MYH15: variants seen among roughly 807,000 people sequenced by gnomAD.
The protein encoded by MYH15 is myosin heavy chain 15, also known as myosin-15.
In MYH15, 227 loss-of-function variants were observed where a neutral mutation model predicts 240.5. That is an observed-to-expected ratio of 0.94 (90% CI 0.85 to 1.05). MYH15 has a LOEUF of 1.05. Among genes scored for constraint, MYH15 ranks in the 50% least tolerant of loss-of-function variants. The pLI is 0.00. For synonymous variants in MYH15, 785 were observed against 796.7 expected (o/e 0.99, Z 0.25); for missense variants, 2,217 against 2,247.5 (o/e 0.99, Z 0.27).
rs187534538 is a variant in MYH15, at chr3:108,468,158, G to C, written c.1554+1884C>G. ...TTTTTGTATTTTGAGTAGAGACAGG[G>C]TTTCACCATGTTAGCCAGGCTGGTG... On this transcript the variant is annotated intron_variant, in intron 14 of 40. Coordinates refer to ENST00000693548, the MANE Select transcript of MYH15 (RefSeq NM_014981.3). Among the ~76,000 whole-genome samples the C allele has an allele frequency of 2.4e-3, 368 of 152,104 alleles. 2 individuals are homozygous for C. Among genetic ancestry groups the C allele is most frequent in the Middle Eastern group, 3.4e-3 (1 of 294 alleles).
intron 28 of MYH15, among the ~76,000 whole-genome samples, chr3:108,418,713 C>T (rs928736684): frequency 6.6e-5 from 10 of 151,200 alleles, no homozygotes; most frequent in African/African-American, 2.0e-4. Context: ...CTCACTGCAA[C>T]CTCCACCTCC....
At chr3:108,533,687 G>A (rs1010440191), upstream of MYH15, among the ~76,000 whole-genome samples, 1 of 152,164 alleles carries the variant, frequency 6.6e-6, no homozygotes, top group Non-Finnish European at 1.5e-5. Flanking sequence ...CTTAATCATG[G>A]AGGAATTGGG....
chr3:108,430,777 G>T, intron 26 of MYH15, 55 bp downstream of exon 26: 1 of 1,353,848 alleles, frequency 7.4e-7, no homozygotes. Context: ...TGAACCACCA[G>T]TCATCACCCA....
At chr3:108,387,296 A>G (rs1177347921) in intron 38 of MYH15, among the ~76,000 whole-genome samples, 1 of 152,228 alleles carries the variant, frequency 6.6e-6, no homozygotes, top group Admixed American at 6.5e-5. Context: ...AAAACCAAGT[A>G]CCAGGAAATG....
At chr3:108,399,853 T>C (rs6799532) in intron 33 of MYH15, among the ~76,000 whole-genome samples, 38,958 of 152,148 alleles carry the variant, frequency 0.26, 5,338 homozygotes, top group Non-Finnish European at 0.31. Flanking sequence ...TTGTGTGATA[T>C]TGAATTACTT....
At chr3:108,550,472 T>G in the MYH15 span, 1 of 151,454 alleles carries the variant, frequency 6.6e-6, no homozygotes, top group Non-Finnish European at 1.5e-5. Flanking sequence ...CAAATAATTC[T>G]ACAAGTTCTT....
intron 39 of MYH15, 110 bp from the exon 40 acceptor site, chr3:108,383,839 T>G: frequency 1.1e-6 from 1 of 877,052 alleles, no homozygotes; most frequent in Non-Finnish European, 1.6e-6. Context: ...AATCTAAACT[T>G]CTGAGTATTG....
chr3:108,482,393 G>A (rs1455234119), intron 11 of MYH15, among the ~76,000 whole-genome samples: 2 of 152,170 alleles, frequency 1.3e-5, no homozygotes, highest in Non-Finnish European at 2.9e-5. Context: ...GGAAGCTCCA[G>A]CAAAGAACCT....
intron 27 of MYH15, among the ~76,000 whole-genome samples, chr3:108,426,960 C>A (rs2082729357): frequency 6.6e-6 from 1 of 152,194 alleles, no homozygotes; most frequent in African/African-American, 2.4e-5. Context: ...TTCCCTTTGT[C>A]ACCTCTTTTT....
chr3:108,500,129 T>C lies in MYH15; in HGVS notation c.485A>G (p.Asp162Gly), dbSNP rs904975916. 4 of 1,613,408 alleles carry C rather than the reference T, an allele frequency of 2.5e-6. No homozygotes were observed. The highest frequency in any genetic ancestry group is 3.4e-6 in the Non-Finnish European group (4 of 1,179,794). Residue 162 changes from aspartate to glycine, a missense_variant, in exon 4 of 41, where the codon GAC (aspartate) becomes GGC (glycine). Transcript: ENST00000693548. ...IFAVANNAFQDMLHNRENQSI... is the reference protein window; with the variant it reads ...IFAVANNAFQGMLHNRENQSI... ...GGGCAGCTACTCACTGTGAAGCATG[T>C]CCTGAAAGGCGTTATTGGCAACAGC...
At position 108,405,319 on chromosome 3, in the gene MYH15, T is replaced by A; in HGVS notation, c.4736+19A>T. ...TTCAGAAATACATAATTGTTACACA[T>A]CAAAATCATCTTAAATACCTAAAAT... On this transcript the variant is annotated intron_variant, in intron 33 of 40. Coordinates refer to ENST00000693548, the MANE Select transcript of MYH15 (RefSeq NM_014981.3). The A allele has an allele frequency of 1.4e-6, 2 of 1,401,956 alleles. No individual in the cohort carries two copies. Among genetic ancestry groups the A allele is most frequent in the Non-Finnish European group, 1.9e-6 (2 of 1,028,762 alleles). The allele number at this position is 1,401,956 out of a possible 1,614,324, so 86.8% of individuals were successfully genotyped here. A position where few individuals can be genotyped will look rare whatever the true frequency, so the allele number is the denominator to read the frequency against.
chr3:108,499,514 T>C, intron 4 of MYH15, 32 bp from the exon 5 acceptor site: 2 of 1,590,446 alleles, frequency 1.3e-6, no homozygotes, highest in Non-Finnish European at 8.6e-7. Context: ...CAGAATATTC[T>C]TATATTCGAT....
At chr3:108,537,130 T>C in the MYH15 span, among the ~76,000 whole-genome samples, 1 of 152,288 alleles carries the variant, frequency 6.6e-6, no homozygotes, top group Admixed American at 6.5e-5. Flanking sequence ...TAAAGCTAAA[T>C]CTATATTTTG....
At chr3:108,480,101 T>A (rs1404211632) in intron 11 of MYH15, among the ~76,000 whole-genome samples, 1 of 152,198 alleles carries the variant, frequency 6.6e-6, no homozygotes, top group African/African-American at 2.4e-5. Flanking sequence ...AAAAATAGTA[T>A]GTCAGTAAAA....
At chr3:108,422,055 T>C (rs2082687994) in intron 27 of MYH15, among the ~76,000 whole-genome samples, 1 of 152,212 alleles carries the variant, frequency 6.6e-6, no homozygotes, top group Non-Finnish European at 1.5e-5. Flanking sequence ...AGTTGCCAAA[T>C]GTAAGATGAG....
chr3:108,519,999 GAAT>G (rs1314450806), intron 1 of MYH15, among the ~76,000 whole-genome samples: 2 of 152,026 alleles, frequency 1.3e-5, no homozygotes, highest in Non-Finnish European at 2.9e-5. Context: ...AATAAAACTA[GAAT>G]ATTATGTATT....
At chr3:108,502,773 CTT>C (rs1478499633) in intron 2 of MYH15, among the ~76,000 whole-genome samples, 1 of 152,030 alleles carries the variant, frequency 6.6e-6, no homozygotes. Flanking sequence ...CTCTCACACT[CTT>C]TACATTCTTG....
intron 21 of MYH15, among the ~76,000 whole-genome samples, chr3:108,451,156 G>C (rs1179049801): frequency 1.3e-5 from 2 of 152,198 alleles, no homozygotes; most frequent in Non-Finnish European, 2.9e-5. Flanking sequence ...AAGGCAGGCA[G>C]ATCACGTGAG....
chr3:108,471,498 T>A (rs1188472628), intron 12 of MYH15, among the ~76,000 whole-genome samples: 1 of 152,194 alleles, frequency 6.6e-6, no homozygotes, highest in African/African-American at 2.4e-5. Context: ...CTTCAGCCTG[T>A]CTAGCCCAGC....
Sources: allele counts gnomAD v4.1 joint callset (sites outside exome capture counted in the v4.1 genomes callset), GRCh38; gene constraint gnomAD v4.1.1; transcripts MANE v1.5; gene names NCBI Gene and HGNC (gene_info 2026-07-23, HGNC 2026-07-21).